The following A2ML1 variants were observed in gnomAD, a reference collection of about 807,000 sequenced individuals.
The protein encoded by A2ML1 is alpha-2-macroglobulin like 1.
In A2ML1, 161 loss-of-function variants were observed where a neutral mutation model predicts 181.9. The ratio of observed to expected loss-of-function variants is 0.89; its 90% CI spans 0.78 to 1.01. The LOEUF (loss-of-function observed/expected upper bound fraction) is 1.01. Among genes scored for constraint, A2ML1 ranks in the 50% least tolerant of loss-of-function variants. A2ML1 has a pLI of 0.00. For missense variants in A2ML1, 1,670 were observed against 1,768.1 expected (o/e 0.94, Z 1.00); for synonymous variants, 663 against 666.8 (o/e 0.99, Z 0.09).
intron 4 of A2ML1, among the ~76,000 whole-genome samples, chr12:8,833,303 T>A (rs909345487): frequency 2.0e-5 from 3 of 152,098 alleles, no homozygotes; most frequent in Non-Finnish European, 1.5e-5. Context: ...GTGAAACACT[T>A]ATTTTCTTCC....
chr12:8,864,949 G>A (rs1353121430), intron 29 of A2ML1, among the ~76,000 whole-genome samples: 1 of 15,152 alleles, frequency 6.6e-5, no homozygotes, highest in African/African-American at 7.0e-5. Flanking sequence ...TGGATCACTG[G>A]AGGTCAGGAG....
chr12:8,829,130 T>A (rs1943026797), intron 3 of A2ML1, among the ~76,000 whole-genome samples: 2 of 152,134 alleles, frequency 1.3e-5, no homozygotes, highest in Admixed American at 6.5e-5. Flanking sequence ...CTCTTCTGAT[T>A]TTTGGTTCTT....
At position 8,874,009 on chromosome 12, in the gene A2ML1, TA is replaced by T. The variant is rs200533939; in HGVS notation, c.4222-406del. ...GGGTTTCAGAGAATCTTTTTTTAAT[TA>T]AAAAAAAAATTTTTTTTTAATTTGA... On this transcript the variant is annotated intron_variant, in intron 33 of 35. Coordinates refer to ENST00000299698, the MANE Select transcript of A2ML1 (RefSeq NM_144670.6). 1.1e-3 allele frequency among the ~76,000 whole-genome samples: 165 copies of T among 149,042 alleles called. 1 individual carries two copies. The highest frequency in any genetic ancestry group is 9.7e-4 in the Non-Finnish European group (65 of 67,242).
At position 8,823,342 on chromosome 12, in the gene A2ML1, C is replaced by A. The variant is rs1193623434; in HGVS notation, c.223C>A (p.His75Asn). The A allele has an allele frequency of 6.2e-7, 1 of 1,613,718 alleles. No homozygotes were observed. Among genetic ancestry groups the A allele is most frequent in the East Asian group, 2.2e-5 (1 of 44,894 alleles). ...AGAATACTCTGGACTGAAGAAGAGG[C>A]ACTTACATTGTATCTCCTTTCTTGT... ...LLEYSGLKKR[H>N]LHCISFLVPP... The change falls in exon 2 of 36, where the codon CAC becomes AAC. Residue 75 changes from histidine to asparagine, a missense_variant. His to Asn is a moderately conservative substitution (Grantham distance 68). Coordinates refer to ENST00000299698, the MANE Select transcript of A2ML1 (RefSeq NM_144670.6).
rs1223887965 is a variant in A2ML1, at chr12:8,823,273, T to G, written c.154T>G (p.Phe52Val). ...GAGCCCTGGGTACAGTGATGTTAAA[T>G]TCACGGTTACTCTGGAGACCAAGGA... ...DLSPGYSDVKFTVTLETKDKT... is the reference protein window; with the variant it reads ...DLSPGYSDVKVTVTLETKDKT... Residue 52 changes from phenylalanine to valine, a missense_variant, in exon 2 of 36, where the codon TTC (phenylalanine) becomes GTC (valine). Physicochemically the swap from Phe to Val is conservative, Grantham distance 50. Transcript: ENST00000299698. 6.2e-7 allele frequency: 1 copy of G among 1,614,110 alleles called. No homozygotes were observed. The highest frequency in any genetic ancestry group is 1.3e-5 in the African/African-American group (1 of 75,010).
At position 8,836,325 on chromosome 12, in the gene A2ML1, A is replaced by G; in HGVS notation, c.714A>G (p.Val238=). ...ELSTVQESFL[V]KICCRYTYGK... ...CAACGGTGCAGGAATCTTTCTTAGT[A>G]AAAATTTGTTGTAGGTAAGAGCAGA... Residue 238 remains valine, a synonymous_variant, in exon 7 of 36, where the codon GTA becomes GTG. Coordinates refer to ENST00000299698, the MANE Select transcript of A2ML1 (RefSeq NM_144670.6). The G allele has an allele frequency of 6.2e-7, 1 of 1,614,014 alleles. No homozygotes were observed. Among genetic ancestry groups the G allele is most frequent in the Non-Finnish European group, 8.5e-7 (1 of 1,179,984 alleles).
At chr12:8,868,428 G>T (rs1249855629) in intron 31 of A2ML1, 71 bp downstream of exon 31, 1 of 1,590,910 alleles carries the variant, frequency 6.3e-7, no homozygotes, top group South Asian at 1.1e-5. Flanking sequence ...ACACTTGTGT[G>T]TGTGTGTGTC....
rs192636548 is a variant in A2ML1 at position 8,836,395 on chromosome 12, T to A, written c.728+56T>A. On this transcript the variant is annotated intron_variant, in intron 7 of 35. Transcript: ENST00000299698. ...ATTAAAGATGCATCGAGAGACATGA[T>A]GAGGGGATGACATGGGATGTGGGAT... 1,541 of 1,482,368 alleles carry A rather than the reference T, an allele frequency of 1.0e-3. 16 individuals carry two copies. The highest frequency in any genetic ancestry group is 3.2e-4 in the East Asian group (14 of 43,874). The allele number at this position is 1,482,368 out of a possible 1,614,324, so 91.8% of individuals were successfully genotyped here. A position where few individuals can be genotyped will look rare whatever the true frequency, so the allele number is the denominator to read the frequency against.
chr12:8,843,064 C>A, intron 11 of A2ML1, 70 bp from the exon 12 acceptor site: 1 of 1,388,716 alleles, frequency 7.2e-7, no homozygotes. Flanking sequence ...ATTTGAAAAC[C>A]GTAACAAGTC....
At position 8,841,582 on chromosome 12, in the gene A2ML1, T is replaced by A. The variant is rs190877341; in HGVS notation, c.1248+46T>A. ...AGCTTCCTAGAAAGGAAGGCTTCCC[T>A]GAAGGAAAACTTCAGAATTTTCCTG... is the stretch of plus-strand genomic sequence containing the variant. On this transcript the variant is annotated intron_variant, in intron 11 of 35. Coordinates refer to ENST00000299698, the MANE Select transcript of A2ML1 (RefSeq NM_144670.6). 2.1e-4 allele frequency: 323 copies of A among 1,573,922 alleles called. 2 individuals carry two copies. In the African/African-American group the frequency reaches 4.1e-3, roughly 20 times the overall value.
intron 3 of A2ML1, among the ~76,000 whole-genome samples, chr12:8,825,774 T>C (rs1217160276): frequency 6.6e-6 from 1 of 152,208 alleles, no homozygotes; most frequent in African/African-American, 2.4e-5. Flanking sequence ...GATTTTTCTA[T>C]ATGGAGAGAG....
intron 10 of A2ML1, among the ~76,000 whole-genome samples, chr12:8,840,336 G>A (rs1160970309): frequency 6.7e-6 from 1 of 150,096 alleles, no homozygotes; most frequent in Non-Finnish European, 1.5e-5. Context: ...CTCCAGCCTG[G>A]GCGATAGAGC....
intron 28 of A2ML1, among the ~76,000 whole-genome samples, chr12:8,861,779 G>A (rs7962253): frequency 0.012 from 1,768 of 150,014 alleles, 39 homozygotes; most frequent in African/African-American, 0.041. Flanking sequence ...GAGCCACCAC[G>A]CCCGAGTTTC....
At chr12:8,881,819 G>A (rs1478704939) in intron 7 of A2ML1, among the ~76,000 whole-genome samples, 1 of 152,052 alleles carries the variant, frequency 6.6e-6, no homozygotes, top group Non-Finnish European at 1.5e-5. Context: ...AGACCATCCT[G>A]GCTAACACGG....
chr12:8,854,775 C>T lies in A2ML1; in HGVS notation c.2713-5C>T, dbSNP rs1460675062. 5 of 1,613,974 alleles carry T rather than the reference C, an allele frequency of 3.1e-6. No homozygotes were observed. Among genetic ancestry groups the T allele is most frequent in the South Asian group, 1.1e-5 (1 of 91,084 alleles). Reference sequence around the variant, plus strand: ...TGTTTTTATCTGTGTCTCTCTTCATCGCAGCCTGAGGGAGTCCTGGTGGAG... The same window carrying T: ...TGTTTTTATCTGTGTCTCTCTTCATTGCAGCCTGAGGGAGTCCTGGTGGAG... On this transcript the variant is annotated splice_region_variant and splice_polypyrimidine_tract_variant and intron_variant, in intron 21 of 35. Coordinates refer to ENST00000299698, the MANE Select transcript of A2ML1 (RefSeq NM_144670.6).
At chr12:8,884,232 T>G (rs56885208) in intron 7 of A2ML1, among the ~76,000 whole-genome samples, 4 of 140,536 alleles carry the variant, frequency 2.8e-5, no homozygotes, top group African/African-American at 8.0e-5. Flanking sequence ...TTATTTTTTG[T>G]TTTTTTTTGT....
At chr12:8,841,317 C>T in intron 10 of A2ML1, 52 bp from the exon 11 acceptor site, 1 of 1,553,318 alleles carries the variant, frequency 6.4e-7, no homozygotes, top group Non-Finnish European at 8.8e-7. Context: ...TTACCTCATA[C>T]TCAAGCTTAC....
intron 12 of A2ML1, among the ~76,000 whole-genome samples, chr12:8,844,745 G>C (rs1202424958): frequency 6.6e-6 from 1 of 152,104 alleles, no homozygotes; most frequent in Admixed American, 6.6e-5. Context: ...AGAAAAGATA[G>C]GTGGAAAATA....
At chr12:8,823,045 T>C in intron 1 of A2ML1, 137 bp from the exon 2 acceptor site, 1 of 877,632 alleles carries the variant, frequency 1.1e-6, no homozygotes, top group Non-Finnish European at 1.7e-6. Flanking sequence ...CTGCTTCTTG[T>C]AGAAAATGAG....
Sources: gnomAD v4.1 joint callset for allele counts (sites outside exome capture counted in the v4.1 genomes callset) on GRCh38, gnomAD v4.1.1 for gene constraint, MANE v1.5 for transcripts, NCBI Gene and HGNC (gene_info 2026-07-23, HGNC 2026-07-21) for gene names.